CDIN1: variants seen among roughly 807,000 people sequenced by gnomAD.
The protein encoded by CDIN1 is CDAN1-interacting nuclease 1.
Under a neutral mutation model 45.3 loss-of-function variants are expected in CDIN1, and 33 were observed. The observed-to-expected ratio is 0.73, with a 90% confidence interval of 0.55 to 0.97. CDIN1 has a LOEUF of 0.97. CDIN1 is among the 50% of genes least tolerant of loss of function. The pLI is 0.00. For synonymous variants in CDIN1, 118 were observed against 124.4 expected (o/e 0.95, Z 0.34); for missense variants, 303 against 339.4 (o/e 0.89, Z 0.84).
intron 5 of CDIN1, among the ~76,000 whole-genome samples, chr15:36,681,400 A>T (rs2041846823): frequency 6.6e-6 from 1 of 152,128 alleles, no homozygotes; most frequent in African/African-American, 2.4e-5. Context: ...AGAGAGGGGA[A>T]ATACAAACAC....
At chr15:36,592,369 C>T (rs1399571177) in intron 1 of CDIN1, among the ~76,000 whole-genome samples, 1 of 152,178 alleles carries the variant, frequency 6.6e-6, no homozygotes, top group Non-Finnish European at 1.5e-5. Flanking sequence ...CCTGGGCTTG[C>T]CCCTTCTCCA....
At chr15:36,726,278 G>T in intron 10 of CDIN1, among the ~76,000 whole-genome samples, 1 of 151,892 alleles carries the variant, frequency 6.6e-6, no homozygotes, top group East Asian at 1.9e-4. Flanking sequence ...ATGTCACTGG[G>T]AGCTAATGCC....
chr15:36,749,595 C>T (rs554502754), intron 10 of CDIN1, among the ~76,000 whole-genome samples: 6 of 152,282 alleles, frequency 3.9e-5, no homozygotes, highest in African/African-American at 1.4e-4. Context: ...GGCTGTCTGC[C>T]GCTAGATCGG....
chr15:36,797,862 C>T (rs1313534935), intron 10 of CDIN1, among the ~76,000 whole-genome samples: 1 of 151,698 alleles, frequency 6.6e-6, no homozygotes, highest in Non-Finnish European at 1.5e-5. Flanking sequence ...TGCCTGTAGT[C>T]CCAGCTCCTC....
chr15:36,741,832 C>G (rs1424129956), intron 10 of CDIN1, among the ~76,000 whole-genome samples: 1 of 152,078 alleles, frequency 6.6e-6, no homozygotes, highest in Admixed American at 6.6e-5. Context: ...CTGTAAAGAC[C>G]CTGTCCCCAA....
At chr15:36,755,910 A>G (rs1287296033) in intron 10 of CDIN1, 2 of 340,826 alleles carry the variant, frequency 5.9e-6, no homozygotes, top group African/African-American at 4.3e-5. Context: ...ATGTAACTGA[A>G]GAGTGCTCCT....
At chr15:36,666,217 T>C (rs1038831379) in intron 5 of CDIN1, among the ~76,000 whole-genome samples, 4 of 152,206 alleles carry the variant, frequency 2.6e-5, no homozygotes, top group African/African-American at 7.2e-5. Flanking sequence ...GCCTTTTTTT[T>C]CTGACAATTT....
At chr15:36,720,739 C>T (rs917234256) in intron 10 of CDIN1, among the ~76,000 whole-genome samples, 1 of 152,116 alleles carries the variant, frequency 6.6e-6, no homozygotes, top group Admixed American at 6.5e-5. Flanking sequence ...AATAAACATA[C>T]GTGTGCATGT....
intron 10 of CDIN1, among the ~76,000 whole-genome samples, chr15:36,748,747 A>T (rs778369210): frequency 3.3e-5 from 5 of 152,172 alleles, no homozygotes; most frequent in Admixed American, 6.5e-5. Flanking sequence ...AAGTGCATTT[A>T]CTAGATCTAT....
chr15:36,722,303 A>ATCTCCCTC (rs2043448562), intron 10 of CDIN1, among the ~76,000 whole-genome samples: 1 of 140,774 alleles, frequency 7.1e-6, no homozygotes, highest in Admixed American at 7.1e-5. Context: ...TTCTTTTGAG[A>ATCTCCCTC]TCTCTCTCTC....
chr15:36,684,768 G>A (rs2041980071), intron 5 of CDIN1, among the ~76,000 whole-genome samples: 3 of 151,778 alleles, frequency 2.0e-5, no homozygotes, highest in Non-Finnish European at 2.9e-5. Context: ...CCTGTTATTG[G>A]TCTATTCAGA....
At chr15:36,714,910 A>C (rs113403995) in intron 10 of CDIN1, among the ~76,000 whole-genome samples, 1 of 152,306 alleles carries the variant, frequency 6.6e-6, no homozygotes, top group Admixed American at 6.5e-5. Flanking sequence ...AAACTGGTTG[A>C]GGGAACAGGT....
chr15:36,794,521 CTTTAT>C (rs149330405), intron 10 of CDIN1, among the ~76,000 whole-genome samples: 1 of 152,092 alleles, frequency 6.6e-6, no homozygotes, highest in Non-Finnish European at 1.5e-5. Flanking sequence ...CCTTTAGATA[CTTTAT>C]TTGAGTGAAA....
At chr15:36,729,589 A>T (rs2043767158) in intron 10 of CDIN1, among the ~76,000 whole-genome samples, 1 of 152,310 alleles carries the variant, frequency 6.6e-6, no homozygotes, top group Middle Eastern at 3.4e-3. Flanking sequence ...CAGGATTTAC[A>T]TCTGAATTGT....
At position 36,644,993 on chromosome 15, in the gene CDIN1, C is replaced by T. The variant is rs1020391381; in HGVS notation, c.148-230C>T. 2.6e-5 allele frequency among the ~76,000 whole-genome samples: 4 copies of T among 152,134 alleles called. No homozygotes were observed. The East Asian group carries it at 5.8e-4, about 22-fold the overall frequency. On this transcript the variant is annotated intron_variant, in intron 2 of 10. Transcript: ENST00000566621. ...ACCCTGTTGGCTTTTACATATATAC[C>T]GTACCTTGTGGTACAGTCTGAAGAC... is the stretch of plus-strand genomic sequence containing the variant.
intron 1 of CDIN1, among the ~76,000 whole-genome samples, chr15:36,582,269 A>G (rs1248160307): frequency 1.3e-5 from 2 of 151,142 alleles, no homozygotes; most frequent in East Asian, 3.9e-4. Flanking sequence ...CAGCTCTCAA[A>G]CAGTCATACA....
At chr15:36,751,229 T>TTATTTATATATATATA in intron 10 of CDIN1, among the ~76,000 whole-genome samples, 1 of 97,574 alleles carries the variant, frequency 1.0e-5, no homozygotes, top group South Asian at 4.1e-4. Context: ...TATGCTTATT[T>TTATTTATATATATATA]TATATATATA....
chr15:36,583,568 GTCA>G (rs2037144884), intron 1 of CDIN1, among the ~76,000 whole-genome samples: 1 of 152,136 alleles, frequency 6.6e-6, no homozygotes, highest in South Asian at 2.1e-4. Context: ...CATACAGTAA[GTCA>G]TCATTTAATG....
At chr15:36,736,603 C>G (rs572817636) in intron 10 of CDIN1, among the ~76,000 whole-genome samples, 3 of 152,266 alleles carry the variant, frequency 2.0e-5, no homozygotes, top group Non-Finnish European at 4.4e-5. Context: ...CTTGGACCTG[C>G]TGTTGATGAG....
Sources: allele counts gnomAD v4.1 joint callset (sites outside exome capture counted in the v4.1 genomes callset), GRCh38; gene constraint gnomAD v4.1.1; transcripts MANE v1.5; gene names NCBI Gene and HGNC (gene_info 2026-07-23, HGNC 2026-07-21).